Variants in CTR9 observed in about 807,000 individuals in gnomAD.
CTR9 encodes the protein CTR9 component of Paf1/RNA polymerase II complex, also known as RNA polymerase-associated protein CTR9 homolog.
CTR9 carries 41 observed loss-of-function variants against 152.1 expected under a neutral mutation model. The observed-to-expected ratio is 0.27, with a 90% CI of 0.21 to 0.35. The LOEUF is 0.35. CTR9 is among the 10% of genes least tolerant of loss of function. CTR9 has a pLI of 1.00. For synonymous variants in CTR9, 476 were observed against 496.2 expected, an observed-to-expected ratio of 0.96 and a Z score of 0.54; for missense variants, 917 against 1,424.4, an observed-to-expected ratio of 0.64 and a Z score of 5.73.
chr11:10,757,188 G>C (rs1004703968), intron 5 of CTR9, among the ~76,000 whole-genome samples: 1 of 152,144 alleles, frequency 6.6e-6, no homozygotes, highest in African/African-American at 2.4e-5. Flanking sequence ...AGGAGGCTCA[G>C]GCTGGAGGAT....
chr11:10,755,008 A>G lies in CTR9; in HGVS notation c.195A>G (p.Glu65=). The stretch of plus-strand genomic sequence containing the variant: ...CAGAAGAGTTTGTAAAATTGTTGGA[A>G]GCAGCACGTATAGATGGCAATTTGG... ...GKTEEFVKLL[E]AARIDGNLDY... Residue 65 remains glutamate, a synonymous_variant, in exon 3 of 25, where the codon GAA becomes GAG. Coordinates refer to ENST00000361367, the MANE Select transcript of CTR9 (RefSeq NM_014633.5). The G allele has an allele frequency of 6.2e-7, 1 of 1,614,100 alleles. No individual in the cohort carries two copies. Among genetic ancestry groups the G allele is most frequent in the Non-Finnish European group, 8.5e-7 (1 of 1,179,976 alleles).
At chr11:10,774,741 C>T (rs1205433056) in intron 22 of CTR9, among the ~76,000 whole-genome samples, 2 of 152,168 alleles carry the variant, frequency 1.3e-5, no homozygotes, top group Admixed American at 1.3e-4. Flanking sequence ...AGTTATCTTA[C>T]CTAGACTGCC....
Position 10,773,154 on chromosome 11 carries a change from G to T in CTR9, c.2608G>T (p.Glu870Ter). 6.2e-7 allele frequency: 1 copy of T among 1,608,102 alleles called. No homozygotes were observed. The highest frequency in any genetic ancestry group is 1.1e-5 in the South Asian group (1 of 89,194). Reference protein sequence around the residue: ...QEEKRLREKEEQKKLLEQRAQ... With the variant: ...QEEKRLREKE ...AGAGAAACGTCTCAGAGAAAAGGAAGAGCAAAAGAAACTTTTGGAACAGCG... is the reference window on the plus strand; with the variant it reads ...AGAGAAACGTCTCAGAGAAAAGGAATAGCAAAAGAAACTTTTGGAACAGCG... Residue 870 changes from glutamate (E) to a stop codon, truncating the protein, a stop_gained, in exon 21 of 25, where the codon GAG becomes TAG. Transcript: ENST00000361367. LOFTEE classifies it high-confidence loss of function.
intron 24 of CTR9, among the ~76,000 whole-genome samples, chr11:10,777,769 T>C (rs1420641871): frequency 2.6e-5 from 4 of 152,240 alleles, no homozygotes; most frequent in African/African-American, 7.2e-5. Flanking sequence ...CACAGGTCTT[T>C]AATATGTATA....
In CTR9 at chr11:10,753,725, T is replaced by G. The variant is rs548402690; in HGVS notation, c.144+955T>G. On this transcript the variant is annotated intron_variant, in intron 2 of 24. Transcript: ENST00000361367. ...TATATATTTTTAAGTACATATGCCC[T>G]CCTTAACAGCACTTAAACAAAAATT... Among the ~76,000 whole-genome samples the G allele has an allele frequency of 3.7e-4, 55 of 150,130 alleles. No individual in the cohort carries two copies. In the Middle Eastern group the frequency reaches 0.011, roughly 29 times the overall value.
At chr11:10,768,275 A>T in intron 15 of CTR9, 68 bp from the exon 16 acceptor site, 2 of 1,575,092 alleles carry the variant, frequency 1.3e-6, no homozygotes, top group South Asian at 2.3e-5. Context: ...GTTTTAAAAT[A>T]GAATTTTTAG....
intron 4 of CTR9, among the ~76,000 whole-genome samples, 194 bp from the exon 5 acceptor site, chr11:10,756,555 A>G (rs1862887414): frequency 6.6e-6 from 1 of 152,208 alleles, no homozygotes; most frequent in Admixed American, 6.5e-5. Context: ...ATTTAACATA[A>G]AAATAGGAAG....
chr11:10,772,081 C>T (rs931825840), intron 19 of CTR9, among the ~76,000 whole-genome samples: 7 of 151,874 alleles, frequency 4.6e-5, no homozygotes, highest in South Asian at 2.1e-4. Flanking sequence ...TTTGGCTGGG[C>T]GCAGTGGCTC....
chr11:10,765,298 A>G (rs761811268), intron 12 of CTR9, among the ~76,000 whole-genome samples: 4 of 152,162 alleles, frequency 2.6e-5, no homozygotes, highest in Non-Finnish European at 5.9e-5. Flanking sequence ...AAACAACCCC[A>G]GTAGCAAGAC....
chr11:10,762,325 A>G lies in CTR9; in HGVS notation c.849+271A>G, dbSNP rs912710826. On this transcript the variant is annotated intron_variant, in intron 7 of 24. Coordinates refer to ENST00000361367, the MANE Select transcript of CTR9 (RefSeq NM_014633.5). The stretch of plus-strand genomic sequence containing the variant: ...CATGGTGTCTGTACTCAAGGAGTTC[A>G]ATTTCATAGAAAGAGCAGCCATGTA... 7.2e-5 allele frequency among the ~76,000 whole-genome samples: 11 copies of G among 152,336 alleles called. No individual in the cohort carries two copies. In the South Asian group the frequency reaches 1.7e-3, roughly 23 times the overall value.
At chr11:10,754,553 C>T (rs897534695) in intron 2 of CTR9, among the ~76,000 whole-genome samples, 9 of 152,136 alleles carry the variant, frequency 5.9e-5, no homozygotes, top group Non-Finnish European at 1.3e-4. Flanking sequence ...TGAAAGTGTC[C>T]TCTGTACCAC....
rs1395811017 is a variant in CTR9 at position 10,763,732 on chromosome 11, A to G, written c.1047A>G (p.Gln349=). The G allele has an allele frequency of 3.1e-6, 5 of 1,613,926 alleles. No homozygotes were observed. The highest frequency in any genetic ancestry group is 4.2e-6 in the Non-Finnish European group (5 of 1,180,004). ...TGCTCCCATTTTTTGGTTTGGGACA[A>G]ATGTATATTTATCGAGGTGACAAAG... ...SFVLPFFGLG[Q]MYIYRGDKEN... is the part of the protein sequence containing the mutation. The change falls in exon 9 of 25, where the codon CAA becomes CAG. Residue 349 remains glutamine (Q), a synonymous_variant. Coordinates refer to ENST00000361367, the MANE Select transcript of CTR9 (RefSeq NM_014633.5).
At chr11:10,766,358 A>G (rs777199794) in intron 12 of CTR9, 44 bp from the exon 13 acceptor site, 2 of 1,396,224 alleles carry the variant, frequency 1.4e-6, no homozygotes, top group Admixed American at 1.9e-5. Flanking sequence ...ATGATCCTTT[A>G]TAGCTAATAT....
At chr11:10,759,935 T>C (rs1265162725) in intron 5 of CTR9, among the ~76,000 whole-genome samples, 11 of 152,170 alleles carry the variant, frequency 7.2e-5, no homozygotes, top group Non-Finnish European at 1.5e-4. Flanking sequence ...ACCAGTATTA[T>C]AGGTGTTCTG....
intron 9 of CTR9, 25 bp from the exon 10 acceptor site, chr11:10,764,087 A>G: frequency 6.2e-7 from 1 of 1,607,422 alleles, no homozygotes; most frequent in Non-Finnish European, 8.5e-7. Flanking sequence ...GGAATACTTC[A>G]GCTTAACAAT....
chr11:10,754,322 G>T (rs1862850650), intron 2 of CTR9, among the ~76,000 whole-genome samples: 1 of 151,918 alleles, frequency 6.6e-6, no homozygotes, highest in South Asian at 2.1e-4. Flanking sequence ...TTCTCTCTTA[G>T]GCTCTACTTA....
chr11:10,777,409 C>CA (rs931516822), intron 24 of CTR9, among the ~76,000 whole-genome samples: 14 of 150,950 alleles, frequency 9.3e-5, no homozygotes, highest in African/African-American at 3.4e-4. Context: ...AATAAACAAA[C>CA]AAAAAAAGAT....
At position 10,770,622 on chromosome 11, in the gene CTR9, C is replaced by G; in HGVS notation, c.2362C>G (p.Leu788Val). Reference protein sequence around the residue: ...EVLNAVKELELAHRYFSYLSK... With the variant: ...EVLNAVKELEVAHRYFSYLSK... ...ACTTAATGCTGTGAAAGAACTGGAG[C>G]TTGCACATAGGTAAAGATTTTGTAG... Residue 788 changes from leucine to valine, a missense_variant, in exon 18 of 25, where the codon CTT (leucine) becomes GTT (valine). Around this residue, in one of 9 missense-constraint regions of CTR9, gnomAD observed 106 missense variants for 157.8 expected, o/e 0.67. Transcript: ENST00000361367. 1.2e-6 allele frequency: 2 copies of G among 1,610,020 alleles called. No individual in the cohort carries two copies. The highest frequency in any genetic ancestry group is 1.7e-6 in the Non-Finnish European group (2 of 1,179,084).
In CTR9 at chr11:10,778,843, G is replaced by A. The variant is rs1258134579; in HGVS notation, c.3260G>A (p.Ser1087Asn). ...CAGCGGTCAGATCAGGACTCAGACA[G>A]TGACCAGCCATCCAGAAAGAGAAGG... The part of the protein sequence containing the change: ...RRQRSDQDSD[S>N]DQPSRKRRPS... The change falls in exon 25 of 25, where the codon AGT becomes AAT. Residue 1087 changes from serine to asparagine, a missense_variant. Ser to Asn is a conservative substitution (Grantham distance 46). This residue lies in a region of CTR9 where 384 missense variants were observed against 398.4 expected (regional missense o/e 0.96). Transcript: ENST00000361367. The A allele has an allele frequency of 6.2e-7, 1 of 1,614,234 alleles. No individual in the cohort carries two copies. Among genetic ancestry groups the A allele is most frequent in the African/African-American group, 1.3e-5 (1 of 75,064 alleles).
Sources: gnomAD v4.1 joint callset for allele counts (sites outside exome capture counted in the v4.1 genomes callset) on GRCh38, gnomAD v4.1.1 for gene constraint, gnomAD v4.1.1 regional missense constraint, MANE v1.5 for transcripts, NCBI Gene and HGNC (gene_info 2026-07-23, HGNC 2026-07-21) for gene names.